The following COL5A1 variants were observed in gnomAD, a reference collection of about 807,000 sequenced individuals.
COL5A1 encodes collagen alpha-1(V) chain.
In COL5A1, 16 loss-of-function variants were observed where a neutral mutation model predicts 263.7. The observed-to-expected ratio is 0.06, with a 90% CI of 0.04 to 0.09. COL5A1 has a LOEUF of 0.09. Among genes scored for constraint, COL5A1 ranks in the 10% least tolerant of loss-of-function variants. The pLI, the probability that COL5A1 is intolerant of heterozygous loss-of-function variation, is 1.00. For missense variants in COL5A1, 2,036 were observed against 2,540.5 expected (o/e 0.80, Z 4.27); for synonymous variants, 1,012 against 1,004.5 (o/e 1.01, Z -0.14).
chr9:134,724,154 C>T (rs1449508154), intron 4 of COL5A1, among the ~76,000 whole-genome samples: 1 of 152,172 alleles, frequency 6.6e-6, no homozygotes, highest in African/African-American at 2.4e-5. Context: ...CCCTGCTGAC[C>T]CCCAGTTCCT....
intron 25 of COL5A1, among the ~76,000 whole-genome samples, chr9:134,772,071 C>G (rs1020102486): frequency 2.0e-5 from 3 of 152,184 alleles, no homozygotes; most frequent in Non-Finnish European, 2.9e-5. Context: ...GGGTACCTGT[C>G]ACATGGGGCA....
At chr9:134,744,742 C>A (rs1022044323) in intron 11 of COL5A1, among the ~76,000 whole-genome samples, 7 of 152,114 alleles carry the variant, frequency 4.6e-5, no homozygotes, top group Admixed American at 4.6e-4. Context: ...CACTCACACA[C>A]CTGCACACAC....
chr9:134,686,917 C>T lies in COL5A1; in HGVS notation c.110-3995C>T, dbSNP rs1833098137. Among the ~76,000 whole-genome samples, 2 of 152,134 alleles carry T rather than the reference C, an allele frequency of 1.3e-5. No homozygotes were observed. Among genetic ancestry groups the T allele is most frequent in the Admixed American group, 1.3e-4 (2 of 15,286 alleles). On this transcript the variant is annotated intron_variant, in intron 1 of 65. Coordinates refer to ENST00000371817, the MANE Select transcript of COL5A1 (RefSeq NM_000093.5). This position sits in a 1 kb window ranked among gnomAD's most constrained non-coding sequence, Gnocchi z 4.6. Reference sequence around the variant, plus strand: ...AGGCTCCTGGTTTCAGTGCACACAGCTGATGGGAGCAAGCCACGATGGGGA... The same window carrying T: ...AGGCTCCTGGTTTCAGTGCACACAGTTGATGGGAGCAAGCCACGATGGGGA...
At chr9:134,773,557 C>A (rs545744804) in intron 26 of COL5A1, among the ~76,000 whole-genome samples, 1 of 152,344 alleles carries the variant, frequency 6.6e-6, no homozygotes, top group African/African-American at 2.4e-5. Flanking sequence ...AGAGGCCCAC[C>A]TGCTCCAGGG....
chr9:134,750,502 GT>G, intron 11 of COL5A1, 39 bp from the exon 12 acceptor site: 1 of 1,591,286 alleles, frequency 6.3e-7, no homozygotes, highest in Non-Finnish European at 8.6e-7. Flanking sequence ...CCCTGGCCTG[GT>G]TGCACTCTGA....
At chr9:134,759,229 C>CACTCAT (rs150110707) in intron 18 of COL5A1, among the ~76,000 whole-genome samples, 15,312 of 142,280 alleles carry the variant, frequency 0.11, 1,246 homozygotes, top group East Asian at 0.32. Context: ...CACACCCACA[C>CACTCAT]ATACACCACA....
chr9:134,831,378 C>G (rs7850942), intron 64 of COL5A1, among the ~76,000 whole-genome samples: 2 of 152,070 alleles, frequency 1.3e-5, no homozygotes, highest in South Asian at 4.1e-4. Context: ...TGTGGTTTGC[C>G]GTGGACTTGC....
At chr9:134,780,681 A>G (rs1397946344) in intron 28 of COL5A1, among the ~76,000 whole-genome samples, 1 of 152,252 alleles carries the variant, frequency 6.6e-6, no homozygotes, top group Admixed American at 6.5e-5. Flanking sequence ...TGGTGAAGAC[A>G]AAGCTAAACT....
At chr9:134,648,839 G>T (rs1314750557) in intron 1 of COL5A1, among the ~76,000 whole-genome samples, 9 of 152,224 alleles carry the variant, frequency 5.9e-5, no homozygotes, top group Admixed American at 5.9e-4. Context: ...CTGCCTCTGA[G>T]GCTCTGAGCC....
chr9:134,706,084 C>T (rs1833828788), intron 4 of COL5A1, among the ~76,000 whole-genome samples: 1 of 152,226 alleles, frequency 6.6e-6, no homozygotes, highest in Admixed American at 6.5e-5. Context: ...CTGGCATGGG[C>T]TGTGTCTCCT....
chr9:134,817,361 C>T (rs992877579), intron 53 of COL5A1, among the ~76,000 whole-genome samples: 1 of 152,226 alleles, frequency 6.6e-6, no homozygotes, highest in African/African-American at 2.4e-5. Flanking sequence ...GTCCTTTTCC[C>T]CTGGCTCAGG....
intron 16 of COL5A1, 28 bp from the exon 17 acceptor site, chr9:134,756,737 A>G (rs887713190): frequency 1.2e-6 from 2 of 1,613,198 alleles, no homozygotes; most frequent in African/African-American, 1.3e-5. Context: ...GCTCTTTTGC[A>G]TTGACGGTTT....
chr9:134,808,349 C>G (rs1838370779), intron 42 of COL5A1, among the ~76,000 whole-genome samples: 1 of 152,074 alleles, frequency 6.6e-6, no homozygotes, highest in African/African-American at 2.4e-5. Flanking sequence ...TCAAACTGAG[C>G]AAAGCAAGAA....
In COL5A1 at chr9:134,649,929, A is replaced by G. The variant is rs1483109682; in HGVS notation, c.109+7633A>G. ...ATCATCATTCTCAGCAAACTAACACAAGAACAGAAAACCACAAACACCACA... is the reference window on the plus strand; with the variant it reads ...ATCATCATTCTCAGCAAACTAACACGAGAACAGAAAACCACAAACACCACA... On this transcript the variant is annotated intron_variant, in intron 1 of 65. Transcript: ENST00000371817. 2.0e-5 allele frequency among the ~76,000 whole-genome samples: 3 copies of G among 152,084 alleles called. No homozygotes were observed. The East Asian group carries it at 5.8e-4, about 29-fold the overall frequency.
intron 52 of COL5A1, 116 bp downstream of exon 52, chr9:134,816,104 T>C (rs2132856527): frequency 2.2e-6 from 2 of 911,114 alleles, no homozygotes; most frequent in East Asian, 2.5e-5. Context: ...ATTGATTCCT[T>C]TATGATATCG....
At chr9:134,759,543 GCA>G (rs139856767) in intron 18 of COL5A1, among the ~76,000 whole-genome samples, 17 of 105,022 alleles carry the variant, frequency 1.6e-4, no homozygotes, top group African/African-American at 5.2e-4. Flanking sequence ...CCACACATGC[GCA>G]CACACACTCA....
chr9:134,796,723 G>A (rs1216124515), intron 35 of COL5A1, 125 bp from the exon 36 acceptor site: 15 of 942,444 alleles, frequency 1.6e-5, no homozygotes, highest in Admixed American at 3.6e-5. Flanking sequence ...AATAATGGAG[G>A]AAAGGCCATG....
chr9:134,803,152 T>C (rs548606606), intron 39 of COL5A1, among the ~76,000 whole-genome samples, 157 bp downstream of exon 39: 1 of 152,198 alleles, frequency 6.6e-6, no homozygotes, highest in Non-Finnish European at 1.5e-5. Context: ...TTGCTCACTT[T>C]TCCTTGATTC....
rs1301998283 is a variant in COL5A1, at chr9:134,699,947, G to A, written c.316G>A (p.Val106Met). 6.2e-7 allele frequency: 1 copy of A among 1,614,002 alleles called. No individual in the cohort carries two copies. ...FPEDFSILTT[V>M]KAKKGSQAFL... is the part of the protein sequence containing the mutation. ...CGAGGACTTCTCCATCCTAACAACT[G>A]TGAAAGCCAAGAAAGGCAGCCAGGC... The change falls in exon 3 of 66, where the codon GTG (valine) becomes ATG (methionine). Residue 106 changes from valine (V) to methionine (M), a missense_variant. By Grantham distance (21) the Val-to-Met change is conservative (BLOSUM62 1). Transcript: ENST00000371817.
Sources: allele counts gnomAD v4.1 joint callset (sites outside exome capture counted in the v4.1 genomes callset), GRCh38; gene constraint gnomAD v4.1.1; non-coding constraint Gnocchi (gnomAD v3.1); transcripts MANE v1.5; gene names NCBI Gene and HGNC (gene_info 2026-07-23, HGNC 2026-07-21).